The following BPHL variants were observed in gnomAD, a reference collection of about 807,000 sequenced individuals.
The protein encoded by BPHL is biphenyl hydrolase like.
BPHL carries 27 observed loss-of-function variants against 31.2 expected under a neutral mutation model. The ratio of observed to expected loss-of-function variants is 0.87; its 90% CI spans 0.64 to 1.19. BPHL has a LOEUF of 1.19. Ranked by LOEUF, BPHL falls within the 50% of genes most tolerant of loss-of-function variation. BPHL has a pLI of 0.00. For synonymous variants in BPHL, 150 were observed against 146.8 expected (o/e 1.02, Z -0.16); for missense variants, 356 against 375.7 (o/e 0.95, Z 0.43).
intron 4 of BPHL, among the ~76,000 whole-genome samples, chr6:3,132,886 G>A (rs766851253): frequency 6.6e-6 from 1 of 151,994 alleles, no homozygotes; most frequent in Non-Finnish European, 1.5e-5. Context: ...AGAAAAAGAC[G>A]AGTTCTCACT....
rs1762551067 is a variant in BPHL, at chr6:3,152,518, C to T, written c.819C>T (p.Asn273=). The change falls in exon 7 of 7, where the codon AAC becomes AAT. Residue 273 remains asparagine (N), a synonymous_variant. Coordinates refer to ENST00000380379, the MANE Select transcript of BPHL (RefSeq NM_004332.4). Reference sequence around the variant, plus strand: ...ATTTGATGCCAGAAGGCAAACACAACCTGCATTTGCGTTTTGCAGATGAAT... The same window carrying T: ...ATTTGATGCCAGAAGGCAAACACAATCTGCATTTGCGTTTTGCAGATGAAT... The part of the protein sequence containing the change: ...RLHLMPEGKH[N]LHLRFADEFN... The T allele has an allele frequency of 1.2e-6, 2 of 1,613,254 alleles. No individual in the cohort carries two copies. Among genetic ancestry groups the T allele is most frequent in the East Asian group, 4.5e-5 (2 of 44,842 alleles).
intron 1 of BPHL, 22 bp downstream of exon 1, chr6:3,118,869 CG>C: frequency 1.6e-6 from 2 of 1,233,480 alleles, no homozygotes; most frequent in East Asian, 3.2e-5. Context: ...CACCTCGCCC[CG>C]GGGATCCCCA....
intron 1 of BPHL, chr6:3,119,558 T>C (rs752979758): frequency 6.2e-7 from 1 of 1,610,254 alleles, no homozygotes; most frequent in Non-Finnish European, 8.5e-7. Context: ...ACCTTCTGTC[T>C]TGAAAATGGA....
intron 2 of BPHL, among the ~76,000 whole-genome samples, chr6:3,126,377 G>T (rs569612796): frequency 2.6e-5 from 4 of 152,122 alleles, no homozygotes; most frequent in Non-Finnish European, 5.9e-5. Context: ...AAGAAGAATA[G>T]ATAACCCAGA....
chr6:3,130,893 C>A (rs532807217), intron 4 of BPHL, among the ~76,000 whole-genome samples: 3 of 152,142 alleles, frequency 2.0e-5, no homozygotes, highest in Admixed American at 2.0e-4. Flanking sequence ...GTTGCCAGTC[C>A]TGTCTGTGCT....
chr6:3,133,892 A>T (rs1277044615), intron 4 of BPHL, among the ~76,000 whole-genome samples: 1 of 152,224 alleles, frequency 6.6e-6, no homozygotes, highest in African/African-American at 2.4e-5. Context: ...CTACATTACA[A>T]GTGACAGATT....
chr6:3,130,045 G>A (rs948357379), intron 4 of BPHL, among the ~76,000 whole-genome samples: 3 of 152,138 alleles, frequency 2.0e-5, no homozygotes, highest in Non-Finnish European at 4.4e-5. Context: ...GACCTCAGGT[G>A]ATCCACCTGC....
intron 6 of BPHL, among the ~76,000 whole-genome samples, chr6:3,143,515 C>A (rs1029313951): frequency 6.6e-6 from 1 of 152,182 alleles, no homozygotes; most frequent in African/African-American, 2.4e-5. Flanking sequence ...TGTTTTTAGT[C>A]GGTTGAAGCC....
chr6:3,120,977 C>T lies in BPHL; in HGVS notation c.107+2130C>T, dbSNP rs186327325. ...ATGGCCTCTGGAGTTCTAATGGCCCCGTGGCCACTTCCTAGCTCTGTGAGT... is the reference window on the plus strand; with the variant it reads ...ATGGCCTCTGGAGTTCTAATGGCCCTGTGGCCACTTCCTAGCTCTGTGAGT... On this transcript the variant is annotated intron_variant, in intron 1 of 6. Transcript: ENST00000380379. Among the ~76,000 whole-genome samples, 30 of 152,248 alleles carry T rather than the reference C, an allele frequency of 2.0e-4. No individual in the cohort carries two copies. In the South Asian group the frequency reaches 5.4e-3, roughly 27 times the overall value.
rs901702867 is a variant in BPHL at position 3,143,491 on chromosome 6, G to A, written c.788+2982G>A. ...AGGCCTTAGAGATCATTCAAGCTCAGTGATTTTAAAATGTGTTTTTAGTCG... is the reference window on the plus strand; with the variant it reads ...AGGCCTTAGAGATCATTCAAGCTCAATGATTTTAAAATGTGTTTTTAGTCG... On this transcript the variant is annotated intron_variant, in intron 6 of 6. Transcript: ENST00000380379. Among the ~76,000 whole-genome samples, 5 of 152,304 alleles carry A rather than the reference G, an allele frequency of 3.3e-5. No individual in the cohort carries two copies. In the South Asian group the frequency reaches 8.3e-4, roughly 25 times the overall value.
At chr6:3,147,326 T>C (rs1179746992) in intron 6 of BPHL, among the ~76,000 whole-genome samples, 2 of 152,178 alleles carry the variant, frequency 1.3e-5, no homozygotes, top group Non-Finnish European at 2.9e-5. Context: ...GATGGAATGC[T>C]GGCATGGATA....
intron 6 of BPHL, among the ~76,000 whole-genome samples, chr6:3,141,587 C>CA (rs1207248452): frequency 6.6e-6 from 1 of 152,200 alleles, no homozygotes; most frequent in Admixed American, 6.5e-5. Context: ...AGGCTAGTCT[C>CA]AAACTCCTGA....
Position 3,140,448 on chromosome 6 carries a change from A to G in BPHL, c.727A>G (p.Lys243Glu), listed in dbSNP as rs1376904611. Residue 243 changes from lysine (K) to glutamate (E), a missense_variant, in exon 6 of 7, where the codon AAG becomes GAG. Coordinates refer to ENST00000380379, the MANE Select transcript of BPHL (RefSeq NM_004332.4). The surrounding 1 kb of genome is among the most constrained non-coding windows in gnomAD (Gnocchi z 5.2). Reference protein sequence around the residue: ...QCPALIVHGEKDPLVPRFHAD... With the variant: ...QCPALIVHGEEDPLVPRFHAD... ...CCCCGCCTTGATTGTGCACGGTGAG[A>G]AGGATCCTCTGGTCCCACGGTTTCA... 2 of 1,614,070 alleles carry G rather than the reference A, an allele frequency of 1.2e-6. No homozygotes were observed. Among genetic ancestry groups the G allele is most frequent in the Admixed American group, 1.7e-5 (1 of 60,012 alleles).
intron 4 of BPHL, among the ~76,000 whole-genome samples, chr6:3,132,784 T>C (rs957906091): frequency 5.3e-5 from 8 of 152,158 alleles, no homozygotes; most frequent in Non-Finnish European, 1.2e-4. Context: ...TGATCTGTGA[T>C]TACACCACTG....
At chr6:3,126,826 T>G (rs1471697847) in intron 2 of BPHL, 1 of 150,298 alleles carries the variant, frequency 6.7e-6, no homozygotes, top group African/African-American at 2.5e-5. Flanking sequence ...CGATCTGGGC[T>G]CACTGCAACC....
At chr6:3,135,329 C>T (rs1411930928) in intron 4 of BPHL, among the ~76,000 whole-genome samples, 2 of 152,222 alleles carry the variant, frequency 1.3e-5, no homozygotes, top group Non-Finnish European at 2.9e-5. Flanking sequence ...CCCCATTCTG[C>T]AGTCTTCTGC....
At position 3,150,838 on chromosome 6, in the gene BPHL, A is replaced by G. The variant is rs897607649; in HGVS notation, c.789-1650A>G. Among the ~76,000 whole-genome samples, 7 of 152,212 alleles carry G rather than the reference A, an allele frequency of 4.6e-5. No individual in the cohort carries two copies. The South Asian group carries it at 8.3e-4, about 18-fold the overall frequency. On this transcript the variant is annotated intron_variant, in intron 6 of 6. Transcript: ENST00000380379. Reference sequence around the variant, plus strand: ...CTTGAAATGACCCTTAAAAGATATCAAGGAGAAGAGTTGTCTTCATACTCT... The same window carrying G: ...CTTGAAATGACCCTTAAAAGATATCGAGGAGAAGAGTTGTCTTCATACTCT...
intron 1 of BPHL, chr6:3,119,354 G>C: frequency 6.4e-7 from 1 of 1,564,576 alleles, no homozygotes; most frequent in Non-Finnish European, 8.7e-7. Context: ...TCTTCTCTTT[G>C]CTTGCTGATC....
At chr6:3,134,421 TC>T (rs1450600211) in intron 4 of BPHL, among the ~76,000 whole-genome samples, 1 of 151,628 alleles carries the variant, frequency 6.6e-6, no homozygotes, top group Admixed American at 6.6e-5. Context: ...CTTTCCTTTT[TC>T]TTTTTCTTTT....
Sources: gnomAD v4.1 joint callset for allele counts (sites outside exome capture counted in the v4.1 genomes callset) on GRCh38, gnomAD v4.1.1 for gene constraint, Gnocchi (gnomAD v3.1) non-coding constraint, MANE v1.5 for transcripts, NCBI Gene and HGNC (gene_info 2026-07-23, HGNC 2026-07-21) for gene names.